The following SUMF1 variants were observed in gnomAD, a reference collection of about 807,000 sequenced individuals.
The protein encoded by SUMF1 is formylglycine-generating enzyme.
A neutral mutation model predicts 47.6 loss-of-function variants in SUMF1; 48 were observed. The observed-to-expected ratio is 1.01, with a 90% confidence interval of 0.80 to 1.28. SUMF1 has a LOEUF of 1.28. SUMF1 is among the 50% of genes most tolerant of loss of function. SUMF1 has a pLI of 0.00. For missense variants in SUMF1, 571 were observed against 485.4 expected, an observed-to-expected ratio of 1.18 and a Z score of -1.66; for synonymous variants, 230 against 192.1, an observed-to-expected ratio of 1.20 and a Z score of -1.63.
chr3:4,429,353 T>A (rs1702165634), intron 3 of SUMF1, among the ~76,000 whole-genome samples: 1 of 152,230 alleles, frequency 6.6e-6, no homozygotes, highest in Non-Finnish European at 1.5e-5. Flanking sequence ...TACTTATAGA[T>A]CTTTACAGGT....
intron 8 of SUMF1, among the ~76,000 whole-genome samples, chr3:4,362,597 T>C (rs769596797): frequency 6.6e-6 from 1 of 152,250 alleles, no homozygotes; most frequent in Non-Finnish European, 1.5e-5. Flanking sequence ...CTTTACATAG[T>C]ATTTAATGAC....
rs569873831 is a variant in SUMF1, at chr3:4,407,867, G to A, written c.954+2998C>T. ...GAGTTTAAGGCCCTCCAAGGTGGAG[G>A]ATCTATGGTAAAACCCCTAGACTTT... On this transcript the variant is annotated intron_variant, in intron 7 of 8. Transcript: ENST00000272902. Among the ~76,000 whole-genome samples, 175 of 152,278 alleles carry A rather than the reference G, an allele frequency of 1.1e-3. 4 individuals carry two copies. The Middle Eastern group carries it at 0.024, about 21-fold the overall frequency.
Position 4,131,143 on chromosome 3 carries a change from T to C in SUMF1, c.1015-62398A>G, listed in dbSNP as rs1003064362. Among the ~76,000 whole-genome samples the C allele has an allele frequency of 3.3e-5, 5 of 152,186 alleles. 1 individual carries two copies. The highest frequency in any genetic ancestry group is 1.2e-4 in the African/African-American group (5 of 41,436). On this transcript the variant is annotated intron_variant and NMD_transcript_variant, in intron 8 of 12. Coordinates refer to the SUMF1 transcript ENST00000448413. The stretch of plus-strand genomic sequence containing the variant: ...CATCAAGTCACCATATGACCTGAAC[T>C]GCCTATCATGAACTGGGTGTTTTCT...
At chr3:4,056,340 C>T (rs1695191176) in intron 9 of SUMF1, among the ~76,000 whole-genome samples, 1 of 152,020 alleles carries the variant, frequency 6.6e-6, no homozygotes, top group Non-Finnish European at 1.5e-5. Flanking sequence ...AAGGTTCATA[C>T]AGTATGAAAT....
intron 8 of SUMF1, among the ~76,000 whole-genome samples, chr3:4,163,350 C>CAG (rs1237314337): frequency 4.0e-5 from 3 of 75,160 alleles, no homozygotes; most frequent in African/African-American, 1.5e-4. Context: ...GAGAGAGAGA[C>CAG]AGAGAGAGAG....
At chr3:4,463,446 C>T (rs2079864239) in intron 1 of SUMF1, among the ~76,000 whole-genome samples, 1 of 152,192 alleles carries the variant, frequency 6.6e-6, no homozygotes, top group Non-Finnish European at 1.5e-5. Flanking sequence ...GCCGAGATTG[C>T]ACCACTGCAC....
chr3:4,360,222 T>TTTTTTGCC (rs1436846262), downstream of SUMF1, among the ~76,000 whole-genome samples: 1 of 150,580 alleles, frequency 6.6e-6, no homozygotes, highest in South Asian at 2.1e-4. Flanking sequence ...TTTTTTTTTT[T>TTTTTTGCC]TGCCTGGGAT....
intron 8 of SUMF1, among the ~76,000 whole-genome samples, chr3:4,198,291 C>A (rs1695473338): frequency 6.6e-6 from 1 of 152,050 alleles, no homozygotes; most frequent in African/African-American, 2.4e-5. Context: ...GGGCCAAGAT[C>A]TCTCCTGCCA....
intron 8 of SUMF1, among the ~76,000 whole-genome samples, chr3:4,197,308 T>C (rs1695450093): frequency 6.6e-6 from 1 of 152,020 alleles, no homozygotes; most frequent in Non-Finnish European, 1.5e-5. Context: ...ACAGACAATG[T>C]TTCACCGTGT....
At chr3:4,228,108 G>A (rs897946133) in intron 8 of SUMF1, among the ~76,000 whole-genome samples, 6 of 152,014 alleles carry the variant, frequency 3.9e-5, no homozygotes. Context: ...GGGAGAGGAG[G>A]GGAGAGAGGT....
At chr3:4,371,277 G>C (rs551247735) in intron 8 of SUMF1, among the ~76,000 whole-genome samples, 17 of 152,250 alleles carry the variant, frequency 1.1e-4, no homozygotes, top group African/African-American at 4.1e-4. Flanking sequence ...AAGTGGGAAG[G>C]ACCTGTTTTA....
intron 8 of SUMF1, among the ~76,000 whole-genome samples, chr3:4,112,292 G>A (rs1358492767): frequency 1.3e-5 from 2 of 152,110 alleles, no homozygotes; most frequent in African/African-American, 4.8e-5. Context: ...CCAAGAGCAT[G>A]TTTCTTTCTT....
rs569660372 is a variant in SUMF1 at position 4,389,189 on chromosome 3, T to C, written c.955-12800A>G. 3.3e-5 allele frequency among the ~76,000 whole-genome samples: 5 copies of C among 152,310 alleles called. No individual in the cohort carries two copies. In the South Asian group the frequency reaches 1.0e-3, roughly 32 times the overall value. ...CAGTCTGCCTTTATCTGAGAATATC[T>C]TGATTTCTCCTTATTCCAAAAAGAT... On this transcript the variant is annotated intron_variant, in intron 7 of 8. Transcript: ENST00000272902.
At chr3:4,197,483 C>T (rs553560218) in intron 8 of SUMF1, among the ~76,000 whole-genome samples, 6 of 151,954 alleles carry the variant, frequency 3.9e-5, no homozygotes, top group East Asian at 1.9e-4. Flanking sequence ...GCATGACAGA[C>T]GGAAGAAATA....
intron 8 of SUMF1, among the ~76,000 whole-genome samples, chr3:4,337,999 C>A (rs376044129): frequency 6.6e-6 from 1 of 152,312 alleles, no homozygotes; most frequent in Non-Finnish European, 1.5e-5. Context: ...TCAACAGACA[C>A]CAGGCCTCCC....
chr3:4,427,171 T>C (rs184049338), intron 3 of SUMF1, among the ~76,000 whole-genome samples: 1 of 152,234 alleles, frequency 6.6e-6, no homozygotes, highest in African/African-American at 2.4e-5. Flanking sequence ...TGTATAATTA[T>C]GCATACTCAA....
intron 8 of SUMF1, among the ~76,000 whole-genome samples, chr3:4,211,121 TACACACACACACAC>T (rs1553609385): frequency 1.1e-3 from 137 of 127,680 alleles, no homozygotes; most frequent in Middle Eastern, 4.2e-3. Context: ...TATATATATA[TACACACACACACAC>T]ATATATACAT....
intron 5 of SUMF1, 68 bp from the exon 6 acceptor site, chr3:4,417,310 G>A (rs1375612581): frequency 2.9e-5 from 38 of 1,309,646 alleles, no homozygotes; most frequent in Non-Finnish European, 4.0e-5. Flanking sequence ...TCAAGAGAAG[G>A]GATGCAATGA....
intron 8 of SUMF1, among the ~76,000 whole-genome samples, chr3:4,258,043 A>G (rs1260111933): frequency 1.3e-5 from 2 of 151,792 alleles, no homozygotes; most frequent in African/African-American, 4.8e-5. Context: ...TGGTGCTGGG[A>G]AAACTGGCTA....
Sources: gnomAD v4.1 joint callset for allele counts (sites outside exome capture counted in the v4.1 genomes callset) on GRCh38, gnomAD v4.1.1 for gene constraint, MANE v1.5 for transcripts, NCBI Gene and HGNC (gene_info 2026-07-23, HGNC 2026-07-21) for gene names.